The following TPO variants were observed in gnomAD, a reference collection of about 807,000 sequenced individuals.
The protein encoded by TPO is thyroid peroxidase, also known as thyroid microsomal antigen.
TPO carries 78 observed loss-of-function variants against 96.9 expected under a neutral mutation model. The ratio of observed to expected loss-of-function variants is 0.81; its 90% CI spans 0.67 to 0.97. TPO has a LOEUF of 0.97. Ranked by LOEUF, TPO falls within the 50% of genes least tolerant of loss-of-function variation. TPO has a pLI of 0.00. For missense variants in TPO, 1,252 were observed against 1,274.8 expected, an observed-to-expected ratio of 0.98 and a Z score of 0.27; for synonymous variants, 547 against 538.0, an observed-to-expected ratio of 1.02 and a Z score of -0.23.
At chr2:1,439,566 T>G (rs2148515066) in intron 5 of TPO, among the ~76,000 whole-genome samples, 1 of 152,028 alleles carries the variant, frequency 6.6e-6, no homozygotes. Context: ...ACAAGCAGAC[T>G]TTTAGCCACT....
At chr2:1,406,496 G>A (rs898690516) in intron 1 of TPO, among the ~76,000 whole-genome samples, 4 of 152,340 alleles carry the variant, frequency 2.6e-5, no homozygotes, top group South Asian at 2.1e-4. Flanking sequence ...GGTCTGGCTT[G>A]GACCTGCCAT....
chr2:1,438,454 A>C (rs978743472), intron 5 of TPO, among the ~76,000 whole-genome samples: 1 of 151,692 alleles, frequency 6.6e-6, no homozygotes, highest in Non-Finnish European at 1.5e-5. Flanking sequence ...TTTCCTTGAG[A>C]CCTCCTAACT....
chr2:1,472,811 T>C (rs1558326140), intron 7 of TPO, among the ~76,000 whole-genome samples: 1 of 142,182 alleles, frequency 7.0e-6, no homozygotes, highest in Non-Finnish European at 1.5e-5. Flanking sequence ...CTCATTTTTT[T>C]CTGCTTGTTT....
At chr2:1,530,490 TCACTCTGTGCAACCTCCCCAAATCTCCCC>T (rs747633185) in intron 15 of TPO, among the ~76,000 whole-genome samples, 162 of 34,392 alleles carry the variant, frequency 4.7e-3, no homozygotes, top group African/African-American at 0.019. Context: ...CAAATCCCCC[TCACTCTGTGCAACCTCCCCAAATCTCCCC>T]CACTCTGTGC....
At chr2:1,384,904 G>A (rs917273457) in intron 1 of TPO, among the ~76,000 whole-genome samples, 6 of 152,194 alleles carry the variant, frequency 3.9e-5, no homozygotes, top group Non-Finnish European at 7.3e-5. Flanking sequence ...CTAATTTATT[G>A]AGAGTTTTTA....
At chr2:1,471,829 G>A (rs1669444268) in intron 7 of TPO, among the ~76,000 whole-genome samples, 1 of 152,190 alleles carries the variant, frequency 6.6e-6, no homozygotes, top group Admixed American at 6.5e-5. Context: ...TAATCAGCAT[G>A]CCCTTGCTAT....
chr2:1,512,422 C>T (rs1374324577), intron 14 of TPO: 3 of 985,376 alleles, frequency 3.0e-6, no homozygotes, highest in African/African-American at 1.7e-5. Flanking sequence ...TCCGAGAGAG[C>T]CCCTGAGCCC....
At chr2:1,531,966 C>A (rs1678366868) in intron 15 of TPO, among the ~76,000 whole-genome samples, 1 of 97,324 alleles carries the variant, frequency 1.0e-5, no homozygotes. Context: ...GCAACCTCCT[C>A]AAATCTCCCC....
chr2:1,511,229 A>AG (rs1674084373), intron 14 of TPO, among the ~76,000 whole-genome samples: 2 of 147,642 alleles, frequency 1.4e-5, no homozygotes, highest in African/African-American at 2.5e-5. Flanking sequence ...GCCACAGCAA[A>AG]GCCCTGCAGA....
At chr2:1,452,882 C>T (rs1159341996) in intron 5 of TPO, among the ~76,000 whole-genome samples, 1 of 152,334 alleles carries the variant, frequency 6.6e-6, no homozygotes, top group Middle Eastern at 3.4e-3. Context: ...CCTTGCTTAA[C>T]ACAGTACACT....
intron 5 of TPO, 75 bp downstream of exon 5, chr2:1,436,459 C>T (rs1414639271): frequency 6.2e-7 from 1 of 1,602,286 alleles, no homozygotes; most frequent in Non-Finnish European, 8.5e-7. Flanking sequence ...CATGAAGGAA[C>T]TTCTACCACC....
chr2:1,380,229 C>G (rs1455281454), intron 1 of TPO, among the ~76,000 whole-genome samples: 1 of 151,894 alleles, frequency 6.6e-6, no homozygotes, highest in African/African-American at 2.4e-5. Flanking sequence ...CCCGTCTCTA[C>G]TAAAAATACA....
chr2:1,406,818 G>A lies in TPO; in HGVS notation n.180+32416G>A, dbSNP rs17091611. On this transcript the variant is annotated intron_variant and non_coding_transcript_variant, in intron 1 of 5. Transcript: ENST00000497517. ...GGGAGAGGCCAAGGGTTTGGAATGA[G>A]ATGAGCTTGCACCTTAGACAGGATG... 7.5e-3 allele frequency among the ~76,000 whole-genome samples: 1,142 copies of A among 152,348 alleles called. 13 individuals carry two copies. The highest frequency in any genetic ancestry group is 0.025 in the African/African-American group (1,047 of 41,582).
chr2:1,384,970 CAT>C (rs1168832625), intron 1 of TPO, among the ~76,000 whole-genome samples: 1 of 152,150 alleles, frequency 6.6e-6, no homozygotes, highest in Non-Finnish European at 1.5e-5. Flanking sequence ...TTGAGATAAT[CAT>C]GTGGTTTTTG....
rs1483893167 is a variant in TPO, at chr2:1,534,132, C to A, written c.2619-6462C>A. On this transcript the variant is annotated intron_variant, in intron 15 of 16. Coordinates refer to ENST00000329066, the MANE Select transcript of TPO (RefSeq NM_001206744.2). ...CCACTCTGTGCAACCTCCCCAAATCCCCCCAACTGTTTGCAACCTCCCAAA... is the reference window on the plus strand; with the variant it reads ...CCACTCTGTGCAACCTCCCCAAATCACCCCAACTGTTTGCAACCTCCCAAA... 3.9e-4 allele frequency among the ~76,000 whole-genome samples: 16 copies of A among 40,572 alleles called. 3 individuals carry two copies. In the South Asian group the frequency reaches 4.9e-3, roughly 12 times the overall value. The allele number at this position is 40,572 out of a possible 152,430, so 26.6% of individuals were successfully genotyped here.
intron 11 of TPO, among the ~76,000 whole-genome samples, chr2:1,495,768 G>T (rs1672261156): frequency 6.6e-6 from 1 of 151,138 alleles, no homozygotes; most frequent in African/African-American, 2.4e-5. Flanking sequence ...GGTCCTCAGT[G>T]CCTGCACCTG....
chr2:1,520,009 G>A (rs1220850323), intron 15 of TPO, among the ~76,000 whole-genome samples: 2 of 152,146 alleles, frequency 1.3e-5, no homozygotes, highest in African/African-American at 4.8e-5. Flanking sequence ...TTTGCAAAAT[G>A]CCACTTAGCT....
intron 1 of TPO, among the ~76,000 whole-genome samples, chr2:1,384,785 G>T (rs1457668635): frequency 6.6e-6 from 1 of 152,122 alleles, no homozygotes; most frequent in Non-Finnish European, 1.5e-5. Context: ...TCCCTGTCTT[G>T]TGCCAGTTTT....
chr2:1,382,553 G>A (rs1196934494), intron 1 of TPO, among the ~76,000 whole-genome samples: 2 of 152,078 alleles, frequency 1.3e-5, no homozygotes, highest in African/African-American at 4.8e-5. Flanking sequence ...ACAAAGCATT[G>A]CCTTTGCCAC....
Sources: gnomAD v4.1 joint callset for allele counts (sites outside exome capture counted in the v4.1 genomes callset) on GRCh38, gnomAD v4.1.1 for gene constraint, MANE v1.5 for transcripts, NCBI Gene and HGNC (gene_info 2026-07-23, HGNC 2026-07-21) for gene names.